TGFA: variants seen among roughly 807,000 people sequenced by gnomAD.
TGFA encodes the protein transforming growth factor alpha.
Under a neutral mutation model 21.7 loss-of-function variants are expected in TGFA, and 12 were observed. The observed-to-expected ratio is 0.55, with a 90% CI of 0.35 to 0.90. The LOEUF (loss-of-function observed/expected upper bound fraction) is 0.90, where lower values mean the gene tolerates loss of function less well. Ranked by LOEUF, TGFA falls within the 40% of genes least tolerant of loss-of-function variation. TGFA has a pLI of 0.01. For missense variants in TGFA, 178 were observed against 210.8 expected, an observed-to-expected ratio of 0.84 and a Z score of 0.96; for synonymous variants, 79 against 88.1, an observed-to-expected ratio of 0.90 and a Z score of 0.58.
chr2:70,548,483 G>A lies in TGFA; in HGVS notation c.40+5245C>T, dbSNP rs548005041. 4.7e-4 allele frequency among the ~76,000 whole-genome samples: 71 copies of A among 152,312 alleles called. No individual in the cohort carries two copies. The South Asian group carries it at 0.013, about 28-fold the overall frequency. ...CCTGGTTGTTACCTAAAGGGGTTCC[G>A]TCTTGAGGAAACCCTAAGCAGCAGC... On this transcript the variant is annotated intron_variant, in intron 1 of 5. Transcript: ENST00000295400.
chr2:70,520,525 A>C (rs1672414405), intron 1 of TGFA, among the ~76,000 whole-genome samples: 1 of 152,104 alleles, frequency 6.6e-6, no homozygotes, highest in African/African-American at 2.4e-5. Flanking sequence ...AAAAAAAAAA[A>C]ATTGTTATTT....
rs111731952 is a variant in TGFA at position 70,493,557 on chromosome 2, C to A, written c.94+21302G>T. ...CCTCCACAGTACCCTCTGAAATGTT[C>A]CAGAATCCCCCATATGAGAACACAC... On this transcript the variant is annotated intron_variant, in intron 2 of 5. Transcript: ENST00000295400. Among the ~76,000 whole-genome samples, 14 of 152,220 alleles carry A rather than the reference C, an allele frequency of 9.2e-5. 1 individual carries two copies. Among genetic ancestry groups the A allele is most frequent in the African/African-American group, 3.4e-4 (14 of 41,536 alleles).
intron 2 of TGFA, among the ~76,000 whole-genome samples, chr2:70,502,332 GTT>G (rs561734333): frequency 1.8e-4 from 28 of 152,236 alleles, no homozygotes; most frequent in Non-Finnish European, 3.8e-4. Flanking sequence ...ATCTGTTTTT[GTT>G]TGTTTGTTTT....
At chr2:70,474,545 C>A (rs1379794841) in intron 2 of TGFA, among the ~76,000 whole-genome samples, 3 of 152,158 alleles carry the variant, frequency 2.0e-5, no homozygotes, top group South Asian at 4.1e-4. Context: ...ACATATGGAA[C>A]TTATTATTCT....
chr2:70,508,126 A>C (rs578250715), intron 2 of TGFA, among the ~76,000 whole-genome samples: 3 of 152,342 alleles, frequency 2.0e-5, no homozygotes, highest in Non-Finnish European at 4.4e-5. Flanking sequence ...ACTGCTGCTA[A>C]GTTAGGGTGG....
intron 1 of TGFA, among the ~76,000 whole-genome samples, chr2:70,533,870 AT>A (rs34113383): frequency 3.2e-4 from 47 of 149,182 alleles, no homozygotes; most frequent in Admixed American, 1.1e-3. Context: ...TAAAATCCAC[AT>A]TTTTTTTTTC....
intron 2 of TGFA, among the ~76,000 whole-genome samples, chr2:70,488,632 A>AC (rs1671337257): frequency 6.6e-6 from 1 of 152,000 alleles, no homozygotes; most frequent in Non-Finnish European, 1.5e-5. Context: ...CCTACCCCTC[A>AC]TTTTTTTGAA....
At chr2:70,473,500 G>A (rs1467096099) in intron 2 of TGFA, among the ~76,000 whole-genome samples, 2 of 151,724 alleles carry the variant, frequency 1.3e-5, no homozygotes, top group Non-Finnish European at 2.9e-5. Flanking sequence ...GCCCTATCAA[G>A]GAAACTGATC....
At chr2:70,536,656 G>T (rs1346974057) in intron 1 of TGFA, among the ~76,000 whole-genome samples, 2 of 152,150 alleles carry the variant, frequency 1.3e-5, no homozygotes, top group Admixed American at 6.5e-5. Context: ...TAAATGAAAA[G>T]AAAAATACAA....
At chr2:70,553,187 C>G in intron 1 of TGFA, 1 of 1,536,166 alleles carries the variant, frequency 6.5e-7, no homozygotes, top group Non-Finnish European at 8.7e-7. Context: ...AACCTACCCC[C>G]AAAGCTCAAG....
intron 2 of TGFA, among the ~76,000 whole-genome samples, chr2:70,469,183 C>G (rs1435387040): frequency 6.6e-6 from 1 of 152,122 alleles, no homozygotes; most frequent in Non-Finnish European, 1.5e-5. Flanking sequence ...CCACCCCTAC[C>G]CAGCCCAGAC....
At chr2:70,454,456 C>T (rs1670162092) in intron 4 of TGFA, among the ~76,000 whole-genome samples, 1 of 152,250 alleles carries the variant, frequency 6.6e-6, no homozygotes, top group Non-Finnish European at 1.5e-5. Flanking sequence ...TTCTGAGTTG[C>T]AGAGTCTGGG....
rs559173692 is a variant in TGFA at position 70,552,088 on chromosome 2, A to G, written c.40+1640T>C. On this transcript the variant is annotated intron_variant, in intron 1 of 5. Coordinates refer to ENST00000295400, the MANE Select transcript of TGFA (RefSeq NM_003236.4). ...ATCTCTCTTTAAGGCAAAGTCCCAA[A>G]AGAGAGATGGGACTATAATGACCAC... Among the ~76,000 whole-genome samples the G allele has an allele frequency of 1.1e-4, 16 of 152,302 alleles. 1 individual carries two copies. In the East Asian group the frequency reaches 2.7e-3, roughly 26 times the overall value.
At chr2:70,465,868 C>G in intron 2 of TGFA, 132 bp from the exon 3 acceptor site, 1 of 1,277,234 alleles carries the variant, frequency 7.8e-7, no homozygotes, top group South Asian at 1.5e-5. Context: ...GGGGCACACC[C>G]TCCTCAGCTC....
chr2:70,492,812 C>T (rs1455514636), intron 2 of TGFA, among the ~76,000 whole-genome samples: 2 of 152,128 alleles, frequency 1.3e-5, no homozygotes, highest in Non-Finnish European at 2.9e-5. Context: ...TTCTTAATCA[C>T]CAATTGTGCT....
At chr2:70,469,933 C>T (rs945856406) in intron 2 of TGFA, among the ~76,000 whole-genome samples, 1 of 152,262 alleles carries the variant, frequency 6.6e-6, no homozygotes, top group East Asian at 1.9e-4. Flanking sequence ...TCATTTAACC[C>T]CTATTGATGG....
At chr2:70,502,544 C>T (rs951091805) in intron 2 of TGFA, among the ~76,000 whole-genome samples, 1 of 152,092 alleles carries the variant, frequency 6.6e-6, no homozygotes, top group Non-Finnish European at 1.5e-5. Context: ...TGGTCTTGAA[C>T]TCCTGACCTC....
At chr2:70,548,753 CATACTCA>C (rs1237428921) in intron 1 of TGFA, among the ~76,000 whole-genome samples, 3 of 152,184 alleles carry the variant, frequency 2.0e-5, no homozygotes, top group African/African-American at 7.2e-5. Flanking sequence ...TTTCTTAAGT[CATACTCA>C]GTACAACAAA....
At chr2:70,476,002 TTCC>T (rs1220852660) in intron 2 of TGFA, among the ~76,000 whole-genome samples, 11 of 141,884 alleles carry the variant, frequency 7.8e-5, no homozygotes, top group African/African-American at 2.9e-4. Flanking sequence ...TAAGCTCCTC[TTCC>T]TCCTCATGAC....
Sources: allele counts gnomAD v4.1 joint callset (sites outside exome capture counted in the v4.1 genomes callset), GRCh38; gene constraint gnomAD v4.1.1; transcripts MANE v1.5; gene names NCBI Gene and HGNC (gene_info 2026-07-23, HGNC 2026-07-21).